UVRAG: variants seen among roughly 807,000 people sequenced by gnomAD.
UVRAG encodes the protein UV radiation resistance associated, also known as UV radiation resistance-associated gene protein.
Under a neutral mutation model 78.0 loss-of-function variants are expected in UVRAG, and 19 were observed. The ratio of observed to expected loss-of-function variants is 0.24; its 90% confidence interval spans 0.17 to 0.36. The LOEUF (loss-of-function observed/expected upper bound fraction) is 0.36. UVRAG is among the 10% of genes least tolerant of loss of function. The pLI is 1.00. For missense variants in UVRAG, 740 were observed against 853.8 expected (o/e 0.87, Z 1.66); for synonymous variants, 323 against 324.6 (o/e 1.00, Z 0.05).
At chr11:76,108,471 T>C (rs996293224) in intron 13 of UVRAG, among the ~76,000 whole-genome samples, 3 of 152,178 alleles carry the variant, frequency 2.0e-5, no homozygotes, top group African/African-American at 7.2e-5. Context: ...TGGAGCAACA[T>C]TTATCAAGCT....
intron 13 of UVRAG, among the ~76,000 whole-genome samples, chr11:76,066,734 G>A (rs991235483): frequency 6.6e-6 from 1 of 152,116 alleles, no homozygotes; most frequent in Admixed American, 6.5e-5. Flanking sequence ...GCCTCCCAAA[G>A]TGCTGGGATT....
At chr11:76,128,635 G>A (rs1952457252) in intron 14 of UVRAG, among the ~76,000 whole-genome samples, 1 of 151,894 alleles carries the variant, frequency 6.6e-6, no homozygotes, top group South Asian at 2.1e-4. Context: ...TGTTTGTTTT[G>A]AGACAGTGTC....
chr11:75,871,432 A>G (rs1225106203), intron 3 of UVRAG, among the ~76,000 whole-genome samples: 1 of 151,782 alleles, frequency 6.6e-6, no homozygotes, highest in Non-Finnish European at 1.5e-5. Context: ...AGTGTGCACC[A>G]CCATACCAGG....
chr11:75,907,986 G>C (rs1383268489), intron 5 of UVRAG, among the ~76,000 whole-genome samples: 13 of 152,148 alleles, frequency 8.5e-5, no homozygotes, highest in Admixed American at 8.5e-4. Flanking sequence ...CATTCACACT[G>C]TTGTGCAACC....
chr11:76,068,111 A>C (rs1951229641), intron 13 of UVRAG, among the ~76,000 whole-genome samples: 1 of 152,118 alleles, frequency 6.6e-6, no homozygotes, highest in Non-Finnish European at 1.5e-5. Flanking sequence ...ATGCACAAAC[A>C]CACTTCTTTC....
intron 12 of UVRAG, among the ~76,000 whole-genome samples, chr11:76,047,006 C>G (rs914206945): frequency 6.6e-6 from 1 of 152,080 alleles, no homozygotes; most frequent in Non-Finnish European, 1.5e-5. Flanking sequence ...CTTTTGGTGG[C>G]TTCATTTGTA....
intron 12 of UVRAG, among the ~76,000 whole-genome samples, chr11:76,027,439 C>CT (rs955564250): frequency 3.3e-5 from 5 of 152,042 alleles, no homozygotes; most frequent in African/African-American, 1.2e-4. Context: ...AAATGCATCT[C>CT]TTTTTTTCTC....
intron 12 of UVRAG, among the ~76,000 whole-genome samples, chr11:76,042,112 C>T (rs1490716700): frequency 6.6e-6 from 1 of 152,088 alleles, no homozygotes; most frequent in Non-Finnish European, 1.5e-5. Flanking sequence ...ATGTTTAGTA[C>T]ATCATTACTT....
intron 12 of UVRAG, among the ~76,000 whole-genome samples, chr11:76,063,610 A>G (rs1160085064): frequency 6.6e-6 from 1 of 152,222 alleles, no homozygotes; most frequent in African/African-American, 2.4e-5. Context: ...ATTTAATTTG[A>G]AAATAATATT....
intron 12 of UVRAG, among the ~76,000 whole-genome samples, chr11:76,020,032 G>T (rs140393472): frequency 4.5e-4 from 68 of 152,280 alleles, no homozygotes; most frequent in African/African-American, 1.3e-3. Context: ...GGCTAAGCTG[G>T]TGCTTAAACT....
At chr11:75,834,977 T>C (rs1388042047) in intron 1 of UVRAG, among the ~76,000 whole-genome samples, 4 of 152,092 alleles carry the variant, frequency 2.6e-5, no homozygotes, top group African/African-American at 9.7e-5. Context: ...CCCGACCTCA[T>C]TTGTGTTTAA....
chr11:76,120,960 T>G (rs771275750), intron 14 of UVRAG, among the ~76,000 whole-genome samples: 17 of 152,224 alleles, frequency 1.1e-4, no homozygotes, highest in Non-Finnish European at 2.4e-4. Context: ...TCTGTGTGGT[T>G]GTTACCATTC....
At chr11:75,985,181 A>C (rs1294781934) in intron 8 of UVRAG, among the ~76,000 whole-genome samples, 1 of 86,924 alleles carries the variant, frequency 1.2e-5, no homozygotes. Context: ...TATATTTTGT[A>C]TTTATCGCAT....
intron 12 of UVRAG, among the ~76,000 whole-genome samples, chr11:76,056,207 A>G (rs1950982264): frequency 6.6e-6 from 1 of 152,178 alleles, no homozygotes; most frequent in African/African-American, 2.4e-5. Flanking sequence ...ACTTCTTTAC[A>G]TAAGGCTTCT....
At position 76,007,558 on chromosome 11, in the gene UVRAG, T is replaced by A. The variant is rs145526879; in HGVS notation, c.936T>A (p.Ala312=). The stretch of plus-strand genomic sequence containing the variant: ...GAGAACTCTTCTTGAAGACTAATGC[T>A]CAGTTGACAATTCGTTGCAGGCAGT... ...AKRELFLKTN[A]QLTIRCRQLL... The change falls in exon 10 of 15, where the codon GCT becomes GCA. Residue 312 remains alanine (A), a synonymous_variant. Coordinates refer to ENST00000356136, the MANE Select transcript of UVRAG (RefSeq NM_003369.4). The A allele has an allele frequency of 6.2e-7, 1 of 1,613,844 alleles. No homozygotes were observed. The highest frequency in any genetic ancestry group is 1.1e-5 in the South Asian group (1 of 91,044).
intron 5 of UVRAG, among the ~76,000 whole-genome samples, chr11:75,903,895 G>C (rs374806117): frequency 6.6e-6 from 1 of 152,140 alleles, no homozygotes; most frequent in Non-Finnish European, 1.5e-5. Context: ...TATACATTTT[G>C]TAGTTTTAAT....
chr11:75,841,650 T>C (rs1293641350), intron 1 of UVRAG, among the ~76,000 whole-genome samples: 1 of 152,196 alleles, frequency 6.6e-6, no homozygotes, highest in Admixed American at 6.5e-5. Flanking sequence ...TTGAACACAA[T>C]TTTATGACTT....
At position 76,126,480 on chromosome 11, in the gene UVRAG, A is replaced by G. The variant is rs191441293; in HGVS notation, c.1397+10465A>G. Among the ~76,000 whole-genome samples, 83 of 152,310 alleles carry G rather than the reference A, an allele frequency of 5.4e-4. 2 individuals are homozygous for G. The highest frequency in any genetic ancestry group is 5.4e-3 in the Admixed American group (82 of 15,310). On this transcript the variant is annotated intron_variant, in intron 14 of 14. Coordinates refer to ENST00000356136, the MANE Select transcript of UVRAG (RefSeq NM_003369.4). The stretch of plus-strand genomic sequence containing the variant: ...ACTAACCACATTTCAAGTTCCAGCA[A>G]CCAGTTCCTAGTGGTCATGGTGGAC...
chr11:75,974,351 CTTTTTTT>C (rs1188190094), intron 7 of UVRAG, among the ~76,000 whole-genome samples: 10 of 83,710 alleles, frequency 1.2e-4, no homozygotes, highest in South Asian at 4.4e-4. Context: ...TAAATGTCTT[CTTTTTTT>C]TTTTTTTTTT....
Sources: allele counts gnomAD v4.1 joint callset (sites outside exome capture counted in the v4.1 genomes callset), GRCh38; gene constraint gnomAD v4.1.1; transcripts MANE v1.5; gene names NCBI Gene and HGNC (gene_info 2026-07-23, HGNC 2026-07-21).